DLG2: variants seen among roughly 807,000 people sequenced by gnomAD.
DLG2 encodes the protein discs large MAGUK scaffold protein 2, also known as disks large homolog 2.
Under a neutral mutation model 132.5 loss-of-function variants are expected in DLG2, and 45 were observed. That is an observed-to-expected ratio of 0.34 (90% CI 0.27 to 0.44). The LOEUF is 0.44. Among genes scored for constraint, DLG2 ranks in the 20% least tolerant of loss-of-function variants. The pLI, the probability that DLG2 is intolerant of heterozygous loss-of-function variation, is 1.00. For missense variants in DLG2, 1,045 were observed against 1,196.9 expected, an observed-to-expected ratio of 0.87 and a Z score of 1.87; for synonymous variants, 424 against 419.6, an observed-to-expected ratio of 1.01 and a Z score of -0.13.
At chr11:85,044,134 T>A (rs2062103123) in intron 6 of DLG2, among the ~76,000 whole-genome samples, 1 of 152,002 alleles carries the variant, frequency 6.6e-6, no homozygotes, top group Non-Finnish European at 1.5e-5. Context: ...GTAACTTCTT[T>A]ATTTTATTTC....
chr11:84,700,414 T>C (rs969218925), intron 6 of DLG2, among the ~76,000 whole-genome samples: 6 of 151,614 alleles, frequency 4.0e-5, no homozygotes, highest in African/African-American at 1.5e-4. Flanking sequence ...ATTGAGACAT[T>C]TTGAGAACGC....
intron 3 of DLG2, among the ~76,000 whole-genome samples, chr11:85,537,702 A>G (rs2075690896): frequency 6.6e-6 from 1 of 151,958 alleles, no homozygotes; most frequent in South Asian, 2.1e-4. Context: ...TGTAACACTC[A>G]CTGTGAAGGT....
At chr11:83,800,690 T>C (rs2044120904) in intron 17 of DLG2, among the ~76,000 whole-genome samples, 1 of 152,148 alleles carries the variant, frequency 6.6e-6, no homozygotes, top group African/African-American at 2.4e-5. Flanking sequence ...CCTTTAAAAA[T>C]GTTTTGGATT....
chr11:85,452,243 T>C (rs375465365), intron 3 of DLG2: 8 of 143,042 alleles, frequency 5.6e-5, no homozygotes, highest in Non-Finnish European at 1.1e-4. Flanking sequence ...CAGGTAGTTG[T>C]TTTTTTTTTT....
chr11:85,460,828 T>A (rs2092584251), intron 3 of DLG2, among the ~76,000 whole-genome samples: 1 of 152,254 alleles, frequency 6.6e-6, no homozygotes, highest in Admixed American at 6.5e-5. Context: ...AGACCAAGGT[T>A]AGACATCTTG....
At chr11:84,558,229 G>A (rs1250979606) in intron 6 of DLG2, among the ~76,000 whole-genome samples, 1 of 152,136 alleles carries the variant, frequency 6.6e-6, no homozygotes, top group Non-Finnish European at 1.5e-5. Flanking sequence ...TTTGGAGTTG[G>A]TTTATTTCCC....
At chr11:84,949,302 T>C (rs1469826188) in intron 6 of DLG2, among the ~76,000 whole-genome samples, 1 of 151,938 alleles carries the variant, frequency 6.6e-6, no homozygotes, top group Non-Finnish European at 1.5e-5. Flanking sequence ...ACAAGGCAAG[T>C]GGAGGCAGGG....
At chr11:83,896,574 A>G (rs1452114245) in intron 15 of DLG2, among the ~76,000 whole-genome samples, 5 of 152,256 alleles carry the variant, frequency 3.3e-5, no homozygotes, top group Admixed American at 2.6e-4. Context: ...AAGTCTGACT[A>G]CATTCTCTTA....
At chr11:85,418,675 T>C (rs1381368192) in intron 3 of DLG2, among the ~76,000 whole-genome samples, 3 of 152,230 alleles carry the variant, frequency 2.0e-5, no homozygotes, top group African/African-American at 4.8e-5. Flanking sequence ...CTTGTTGCAT[T>C]GATCCCTTTA....
intron 3 of DLG2, among the ~76,000 whole-genome samples, chr11:85,303,840 T>C (rs1201938371): frequency 6.6e-6 from 1 of 152,204 alleles, no homozygotes; most frequent in Non-Finnish European, 1.5e-5. Context: ...CCCTGTTAAC[T>C]TTGAAGTTCT....
At chr11:84,802,942 G>A (rs2075587284) in intron 6 of DLG2, among the ~76,000 whole-genome samples, 1 of 152,080 alleles carries the variant, frequency 6.6e-6, no homozygotes, top group African/African-American at 2.4e-5. Flanking sequence ...TGGGACAACA[G>A]GCACGTACCA....
chr11:83,481,713 ATCTGTTT>A (rs2093125246), intron 22 of DLG2, among the ~76,000 whole-genome samples: 1 of 152,092 alleles, frequency 6.6e-6, no homozygotes, highest in South Asian at 2.1e-4. Context: ...ACCTGTGCAA[ATCTGTTT>A]TCTGTTACTA....
chr11:85,438,261 C>T (rs2091596596), intron 3 of DLG2, among the ~76,000 whole-genome samples: 1 of 152,168 alleles, frequency 6.6e-6, no homozygotes, highest in Admixed American at 6.5e-5. Flanking sequence ...TCCCAACGGA[C>T]TCCACCTGCA....
At chr11:84,170,323 T>G (rs2095791774) in intron 8 of DLG2, among the ~76,000 whole-genome samples, 1 of 152,200 alleles carries the variant, frequency 6.6e-6, no homozygotes, top group Admixed American at 6.5e-5. Flanking sequence ...AAAACATCAA[T>G]TAAATACATT....
chr11:83,472,687 G>C (rs367571942), intron 23 of DLG2, 40 bp downstream of exon 23: 2 of 1,584,686 alleles, frequency 1.3e-6, no homozygotes, highest in Non-Finnish European at 1.7e-6. Flanking sequence ...CACCTCTTAT[G>C]GCCCAGAAAT....
chr11:85,383,470 T>C (rs1308882161), intron 3 of DLG2, among the ~76,000 whole-genome samples: 2 of 152,176 alleles, frequency 1.3e-5, no homozygotes, highest in Non-Finnish European at 2.9e-5. Flanking sequence ...ATATGAATCA[T>C]ATGTCAATAA....
chr11:84,701,792 T>C (rs1376506990), intron 6 of DLG2, among the ~76,000 whole-genome samples: 2 of 151,682 alleles, frequency 1.3e-5, no homozygotes, highest in African/African-American at 4.8e-5. Context: ...TCTGTGGCTC[T>C]ACTTAAAGCC....
chr11:84,138,076 G>A (rs537185793), intron 9 of DLG2, among the ~76,000 whole-genome samples: 1 of 152,292 alleles, frequency 6.6e-6, no homozygotes, highest in African/African-American at 2.4e-5. Flanking sequence ...GTGGTTCTTT[G>A]TGAAATTTTG....
chr11:83,979,407 T>C (rs1340963229), intron 12 of DLG2, among the ~76,000 whole-genome samples: 1 of 152,188 alleles, frequency 6.6e-6, no homozygotes, highest in Non-Finnish European at 1.5e-5. Context: ...ACTAGACAGA[T>C]ACACTAATCT....
Sources: gnomAD v4.1 joint callset for allele counts (sites outside exome capture counted in the v4.1 genomes callset) on GRCh38, gnomAD v4.1.1 for gene constraint, MANE v1.5 for transcripts, NCBI Gene and HGNC (gene_info 2026-07-23, HGNC 2026-07-21) for gene names.